The following NVL variants were observed in gnomAD, a reference collection of about 807,000 sequenced individuals.
NVL encodes nuclear VCP like, also known as nuclear valosin-containing protein-like.
A neutral mutation model predicts 110.2 loss-of-function variants in NVL; 84 were observed. That is an observed-to-expected ratio of 0.76 (90% CI 0.64 to 0.91). NVL has a LOEUF of 0.91. NVL is among the 40% of genes least tolerant of loss of function. The probability of loss-of-function intolerance (pLI) is 0.00; values close to 1 mark genes in which losing one functional copy is unlikely to be tolerated. For synonymous variants in NVL, 354 were observed against 361.1 expected (o/e 0.98, Z 0.22); for missense variants, 882 against 1,035.9 (o/e 0.85, Z 2.04).
intron 19 of NVL, among the ~76,000 whole-genome samples, chr1:224,243,751 T>C (rs902969329): frequency 1.4e-5 from 2 of 146,576 alleles, no homozygotes; most frequent in African/African-American, 5.0e-5. Flanking sequence ...AACCTCCACC[T>C]CCCGGGTTCA....
intron 19 of NVL, among the ~76,000 whole-genome samples, chr1:224,237,946 T>C (rs1217661906): frequency 2.1e-5 from 3 of 143,768 alleles, no homozygotes; most frequent in East Asian, 2.0e-4. Context: ...AGTTGGAGAG[T>C]TGGAGACTTG....
At chr1:224,234,171 C>T (rs935115657) in intron 20 of NVL, among the ~76,000 whole-genome samples, 122 of 149,626 alleles carry the variant, frequency 8.2e-4, no homozygotes, top group Non-Finnish European at 1.2e-3. Flanking sequence ...AAATACAAAA[C>T]AGGCCTTCAC....
intron 16 of NVL, among the ~76,000 whole-genome samples, chr1:224,278,739 T>G (rs191163268): frequency 1.4e-5 from 2 of 146,552 alleles, no homozygotes; most frequent in East Asian, 3.9e-4. Context: ...CAATATCCAA[T>G]TTTTTTTTTT....
At position 224,303,786 on chromosome 1, in the gene NVL, A is replaced by ACGAGGGGG. The variant is rs1300198158; in HGVS notation, c.889_896dup (p.Gly300ProfsTer31). ...CTGGTGGTCCATGAAGGAGAACTCC[A>ACGAGGGGG]CGAGGGGGCACGACGCCCAGGTGGT... On this transcript the variant is annotated frameshift_variant, in exon 9 of 23. Transcript: ENST00000281701. LOFTEE classifies it high-confidence loss of function. 6.2e-7 allele frequency: 1 copy of ACGAGGGGG among 1,613,748 alleles called. No individual in the cohort carries two copies. The highest frequency in any genetic ancestry group is 8.5e-7 in the Non-Finnish European group (1 of 1,179,848).
intron 12 of NVL, among the ~76,000 whole-genome samples, chr1:224,290,534 G>T (rs1182900953): frequency 2.0e-5 from 3 of 152,130 alleles, no homozygotes; most frequent in Non-Finnish European, 4.4e-5. Flanking sequence ...AGGCACAGTG[G>T]CTCACACCTT....
intron 19 of NVL, among the ~76,000 whole-genome samples, chr1:224,244,987 A>T (rs1661653356): frequency 1.3e-5 from 2 of 152,020 alleles, no homozygotes; most frequent in African/African-American, 4.8e-5. Flanking sequence ...TACCTGGCCC[A>T]CTCGCTCTTC....
At chr1:224,243,459 TCAACAA>T (rs909287403) in intron 19 of NVL, among the ~76,000 whole-genome samples, 2 of 151,820 alleles carry the variant, frequency 1.3e-5, no homozygotes, top group African/African-American at 2.4e-5. Flanking sequence ...AGACCTTGTC[TCAACAA>T]CAACAACAAC....
chr1:224,328,150 C>T (rs1397610757), intron 1 of NVL, among the ~76,000 whole-genome samples: 3 of 152,022 alleles, frequency 2.0e-5, no homozygotes, highest in African/African-American at 7.3e-5. Context: ...TATACAGGTG[C>T]CATGGTGGTT....
intron 18 of NVL, among the ~76,000 whole-genome samples, chr1:224,252,874 T>A (rs995095239): frequency 1.3e-5 from 2 of 152,200 alleles, no homozygotes; most frequent in African/African-American, 4.8e-5. Flanking sequence ...CTCTCCTTTA[T>A]CCTTAGGCAG....
chr1:224,325,334 G>A (rs1671042137), intron 2 of NVL, among the ~76,000 whole-genome samples: 2 of 151,742 alleles, frequency 1.3e-5, no homozygotes, highest in Admixed American at 1.3e-4. Flanking sequence ...CACTTAGGGA[G>A]GCGAAGGTGG....
intron 18 of NVL, among the ~76,000 whole-genome samples, chr1:224,262,457 T>G (rs1664086695): frequency 6.6e-6 from 1 of 151,884 alleles, no homozygotes; most frequent in Non-Finnish European, 1.5e-5. Context: ...GAAAAGCCAC[T>G]GAAAGATAAG....
intron 18 of NVL, among the ~76,000 whole-genome samples, chr1:224,261,609 G>A (rs1663991428): frequency 6.6e-6 from 1 of 152,118 alleles, no homozygotes; most frequent in Non-Finnish European, 1.5e-5. Context: ...GCAAAAGGAA[G>A]TTCGCTTATT....
At chr1:224,237,904 T>C (rs1660679653) in intron 19 of NVL, among the ~76,000 whole-genome samples, 1 of 145,638 alleles carries the variant, frequency 6.9e-6, no homozygotes, top group South Asian at 2.1e-4. Context: ...TAGTAAGCCA[T>C]GATCGCACCA....
At chr1:224,272,600 C>A (rs1249481204) in intron 17 of NVL, among the ~76,000 whole-genome samples, 1 of 151,704 alleles carries the variant, frequency 6.6e-6, no homozygotes, top group African/African-American at 2.4e-5. Flanking sequence ...ATCTGTAGTC[C>A]CAGCTACTTG....
At chr1:224,293,538 A>G (rs1016084125) in intron 12 of NVL, among the ~76,000 whole-genome samples, 1 of 152,324 alleles carries the variant, frequency 6.6e-6, no homozygotes, top group South Asian at 2.1e-4. Context: ...AACAGCTTTC[A>G]ACTGTCTGGC....
chr1:224,263,697 C>T (rs942828014), intron 18 of NVL, among the ~76,000 whole-genome samples: 1 of 152,230 alleles, frequency 6.6e-6, no homozygotes, highest in African/African-American at 2.4e-5. Flanking sequence ...TAAGCTCACA[C>T]AAATTCTCCA....
In NVL at chr1:224,300,557, C is replaced by T. The variant is rs1348632396; in HGVS notation, c.1062+5G>A. 6.2e-7 allele frequency: 1 copy of T among 1,610,014 alleles called. No individual in the cohort carries two copies. The highest frequency in any genetic ancestry group is 8.5e-7 in the Non-Finnish European group (1 of 1,176,814). On this transcript the variant is annotated splice_donor_5th_base_variant and intron_variant, in intron 10 of 22. Transcript: ENST00000281701. ...CCACCTGGCATTAGTCATTAACTGACTCACCACAGCTTGCTCAAATAGTTC... is the reference window on the plus strand; with the variant it reads ...CCACCTGGCATTAGTCATTAACTGATTCACCACAGCTTGCTCAAATAGTTC...
intron 12 of NVL, among the ~76,000 whole-genome samples, chr1:224,290,673 G>A (rs1260746916): frequency 1.3e-5 from 2 of 151,970 alleles, no homozygotes; most frequent in Admixed American, 6.6e-5. Flanking sequence ...GTGGTGGCGG[G>A]CACCTGTAGT....
At chr1:224,288,862 A>T (rs1185260772) in intron 13 of NVL, among the ~76,000 whole-genome samples, 1 of 152,196 alleles carries the variant, frequency 6.6e-6, no homozygotes, top group Non-Finnish European at 1.5e-5. Context: ...ATGACTCATA[A>T]AACTAAAAAA....
Sources: gnomAD v4.1 joint callset for allele counts (sites outside exome capture counted in the v4.1 genomes callset) on GRCh38, gnomAD v4.1.1 for gene constraint, MANE v1.5 for transcripts, NCBI Gene and HGNC (gene_info 2026-07-23, HGNC 2026-07-21) for gene names.